MGST1: variants seen among roughly 807,000 people sequenced by gnomAD.
MGST1 encodes glutathione S-transferase 12.
MGST1 carries 5 observed loss-of-function variants against 8.9 expected under a neutral mutation model. The observed-to-expected ratio is 0.56, with a 90% CI of 0.29 to 1.19. The LOEUF (loss-of-function observed/expected upper bound fraction) is 1.19, where lower values mean the gene tolerates loss of function less well. Among genes scored for constraint, MGST1 ranks in the 50% most tolerant of loss-of-function variants. The probability of loss-of-function intolerance (pLI) is 0.08; values close to 1 mark genes in which losing one functional copy is unlikely to be tolerated. For missense variants in MGST1, 182 were observed against 187.4 expected, an observed-to-expected ratio of 0.97 and a Z score of 0.17; for synonymous variants, 54 against 67.8, an observed-to-expected ratio of 0.80 and a Z score of 1.00.
chr12:16,421,401 TC>T (rs1398637277), intron 1 of MGST1, among the ~76,000 whole-genome samples: 1 of 152,178 alleles, frequency 6.6e-6, no homozygotes, highest in East Asian at 1.9e-4. Flanking sequence ...AACACTTCCC[TC>T]TTGAAACTAG....
chr12:16,357,544 G>T, intron 2 of MGST1, 61 bp from the exon 3 acceptor site: 2 of 1,268,808 alleles, frequency 1.6e-6, no homozygotes, highest in Non-Finnish European at 2.3e-6. Flanking sequence ...GGAATTACAG[G>T]TGTGAGCTAT....
chr12:16,469,310 C>T (rs1941276773), intron 4 of MGST1, among the ~76,000 whole-genome samples: 1 of 151,566 alleles, frequency 6.6e-6, no homozygotes, highest in Non-Finnish European at 1.5e-5. Flanking sequence ...CTCAGCCTCC[C>T]AAGTAGCTGC....
chr12:16,401,010 C>T lies in MGST1; in HGVS notation n.778+17406C>T, dbSNP rs1940650731. 1 of 1,548,370 alleles carries T rather than the reference C, an allele frequency of 6.5e-7. No homozygotes were observed. The highest frequency in any genetic ancestry group is 8.9e-7 in the Non-Finnish European group (1 of 1,120,654). Reference sequence around the variant, plus strand: ...TCTTTTTGATGTGCTCTTCACTTCTCTTCTGCAGTCATTTCATTCCTGTTC... The same window carrying T: ...TCTTTTTGATGTGCTCTTCACTTCTTTTCTGCAGTCATTTCATTCCTGTTC... On this transcript the variant is annotated intron_variant and non_coding_transcript_variant, in intron 1 of 1. Transcript: ENST00000359720. The surrounding 1 kb of genome is among the most constrained non-coding windows in gnomAD (Gnocchi z 4.3).
intron 4 of MGST1, chr12:16,550,050 C>T (rs1193231179): frequency 6.6e-6 from 1 of 151,926 alleles, no homozygotes; most frequent in African/African-American, 2.4e-5. Flanking sequence ...TATATAATCA[C>T]TAGTTCTCAG....
In MGST1 at chr12:16,560,924, A is replaced by G; in HGVS notation, n.483-28604A>G. 5.3e-6 allele frequency: 1 copy of G among 189,116 alleles called. No homozygotes were observed. Among genetic ancestry groups the G allele is most frequent in the Non-Finnish European group, 1.1e-5 (1 of 88,498 alleles). The allele number at this position is 189,116 out of a possible 1,614,324, so 11.7% of individuals were successfully genotyped here. A position where few individuals can be genotyped will look rare whatever the true frequency, so the allele number is the denominator to read the frequency against. On this transcript the variant is annotated intron_variant and non_coding_transcript_variant, in intron 4 of 4. Transcript: ENST00000538857. The surrounding 1 kb of genome is among the most constrained non-coding windows in gnomAD (Gnocchi z 5.0). ...AACATTTTAGTTGGGAAAGGAACCAACTAATGAATGATTCACTACTTTTTG... is the reference window on the plus strand; with the variant it reads ...AACATTTTAGTTGGGAAAGGAACCAGCTAATGAATGATTCACTACTTTTTG...
intron 1 of MGST1, chr12:16,383,689 G>C (rs917451354): frequency 6.6e-6 from 1 of 152,202 alleles, no homozygotes; most frequent in African/African-American, 2.4e-5. Flanking sequence ...TCAAACTTCT[G>C]ACCTCAGGTG....
intron 1 of MGST1, among the ~76,000 whole-genome samples, chr12:16,386,368 C>T (rs545778925): frequency 1.3e-4 from 20 of 152,324 alleles, no homozygotes. Context: ...CAAGCTAGGA[C>T]TCGGCACAAC....
At chr12:16,450,106 A>C (rs983312801) in intron 4 of MGST1, among the ~76,000 whole-genome samples, 1 of 151,972 alleles carries the variant, frequency 6.6e-6, no homozygotes, top group Admixed American at 6.6e-5. Flanking sequence ...GACATGTAAT[A>C]AATCTTCCAA....
At position 16,513,955 on chromosome 12, in the gene MGST1, A is replaced by G; in HGVS notation, n.483-75573A>G. ...CCGCAAGACTTGCGGTTTTGACTTC[A>G]CAGACACTGTGGAGGACATTTCAAA... On this transcript the variant is annotated intron_variant and non_coding_transcript_variant, in intron 4 of 4. Transcript: ENST00000538857. This position sits in a 1 kb window ranked among gnomAD's most constrained non-coding sequence, Gnocchi z 4.2. The G allele has an allele frequency of 1.9e-6, 1 of 520,330 alleles. No individual in the cohort carries two copies. Among genetic ancestry groups the G allele is most frequent in the East Asian group, 4.2e-5 (1 of 23,728 alleles). 32.2% of individuals were successfully genotyped at this position (520,330 alleles called of 1,614,324 possible).
intron 4 of MGST1, among the ~76,000 whole-genome samples, chr12:16,528,076 C>A (rs577425001): frequency 6.6e-6 from 1 of 151,932 alleles, no homozygotes; most frequent in Non-Finnish European, 1.5e-5. Flanking sequence ...TTGACAGAGG[C>A]GATTACTTTT....
At chr12:16,393,920 C>T (rs942089308) in intron 1 of MGST1, among the ~76,000 whole-genome samples, 3 of 152,162 alleles carry the variant, frequency 2.0e-5, no homozygotes, top group Non-Finnish European at 4.4e-5. Context: ...TTTCTTTATC[C>T]AGTTTATGAA....
At chr12:16,385,245 G>C (rs1382727887) in intron 1 of MGST1, among the ~76,000 whole-genome samples, 1 of 152,210 alleles carries the variant, frequency 6.6e-6, no homozygotes, top group African/African-American at 2.4e-5. Flanking sequence ...ATCTTGAAAA[G>C]AGAAATTTTA....
chr12:16,466,570 G>A (rs1325894610), intron 4 of MGST1, among the ~76,000 whole-genome samples: 1 of 152,124 alleles, frequency 6.6e-6, no homozygotes, highest in Admixed American at 6.6e-5. Context: ...ATTTTTTGGG[G>A]TCATTAAATA....
At position 16,497,108 on chromosome 12, in the gene MGST1, A is replaced by G. The variant is rs1022554805; in HGVS notation, n.483-92420A>G. On this transcript the variant is annotated intron_variant and non_coding_transcript_variant, in intron 4 of 4. Coordinates refer to the MGST1 transcript ENST00000538857. This position sits in a 1 kb window ranked among gnomAD's most constrained non-coding sequence, Gnocchi z 4.4. ...AGAAAGAAATATTTAATCCTATGCC[A>G]GAAGGGAAAAGATGAGAACCACTGA... is the stretch of plus-strand genomic sequence containing the variant. Among the ~76,000 whole-genome samples, 4 of 152,152 alleles carry G rather than the reference A, an allele frequency of 2.6e-5. No homozygotes were observed. The South Asian group carries it at 8.3e-4, about 31-fold the overall frequency.
chr12:16,548,471 C>T lies in MGST1; in HGVS notation n.483-41057C>T, dbSNP rs1941870081. ...ATTAAGCAAGATGAAAGTGAAATTA[C>T]AAACACAGGTCAACTTTTAAACTCA... is the stretch of plus-strand genomic sequence containing the variant. On this transcript the variant is annotated intron_variant and non_coding_transcript_variant, in intron 4 of 4. Coordinates refer to the MGST1 transcript ENST00000538857. The surrounding 1 kb of genome is among the most constrained non-coding windows in gnomAD (Gnocchi z 4.2). 6.6e-6 allele frequency: 1 copy of T among 152,126 alleles called. No individual in the cohort carries two copies. Among genetic ancestry groups the T allele is most frequent in the Non-Finnish European group, 1.5e-5 (1 of 67,998 alleles). 9.4% of individuals were successfully genotyped at this position (152,126 alleles called of 1,614,324 possible).
intron 4 of MGST1, among the ~76,000 whole-genome samples, chr12:16,558,541 TA>T (rs1280548330): frequency 6.6e-6 from 1 of 152,082 alleles, no homozygotes; most frequent in African/African-American, 2.4e-5. Flanking sequence ...TGTGTTTGTA[TA>T]TCCTTATCCC....
rs1033280962 is a variant in MGST1, at chr12:16,450,349, T to C, written n.482+66745T>C. Reference sequence around the variant, plus strand: ...CTCTCTGGAAAGCATGGTGGTTCATTTCTCCTTCAAGAGGAAGACAAAGGG... The same window carrying C: ...CTCTCTGGAAAGCATGGTGGTTCATCTCTCCTTCAAGAGGAAGACAAAGGG... On this transcript the variant is annotated intron_variant and non_coding_transcript_variant, in intron 4 of 4. Transcript: ENST00000538857. Among the ~76,000 whole-genome samples the C allele has an allele frequency of 3.2e-4, 48 of 151,884 alleles. 1 individual carries two copies. Among genetic ancestry groups the C allele is most frequent in the African/African-American group, 1.1e-3 (47 of 41,392 alleles).
At position 16,523,727 on chromosome 12, in the gene MGST1, A is replaced by G. The variant is rs11056983; in HGVS notation, n.483-65801A>G. On this transcript the variant is annotated intron_variant and non_coding_transcript_variant, in intron 4 of 4. Transcript: ENST00000538857. ...ATCTGTAGGCGTTGTTGTAAAGAAG[A>G]TGAGTAATCAAGACTGGAAACTTAG... Among the ~76,000 whole-genome samples the G allele has an allele frequency of 9.6e-3, 1,459 of 152,186 alleles. 48 individuals carry two copies. The East Asian group carries it at 0.14, about 14-fold the overall frequency.
rs894993765 is a variant in MGST1, at chr12:16,497,285, A to C, written n.483-92243A>C. Reference sequence around the variant, plus strand: ...GAAATTGACAGGCATTGAGAGAAACAGAAGACTCATGGAACAAATAATAGT... The same window carrying C: ...GAAATTGACAGGCATTGAGAGAAACCGAAGACTCATGGAACAAATAATAGT... On this transcript the variant is annotated intron_variant and non_coding_transcript_variant, in intron 4 of 4. Coordinates refer to the MGST1 transcript ENST00000538857. This position sits in a 1 kb window ranked among gnomAD's most constrained non-coding sequence, Gnocchi z 4.4. Among the ~76,000 whole-genome samples the C allele has an allele frequency of 6.6e-6, 1 of 152,182 alleles. No individual in the cohort carries two copies. Among genetic ancestry groups the C allele is most frequent in the African/African-American group, 2.4e-5 (1 of 41,464 alleles).
Sources: allele counts gnomAD v4.1 joint callset (sites outside exome capture counted in the v4.1 genomes callset), GRCh38; gene constraint gnomAD v4.1.1; non-coding constraint Gnocchi (gnomAD v3.1); transcripts MANE v1.5; gene names NCBI Gene and HGNC (gene_info 2026-07-23, HGNC 2026-07-21).